Variants in SF3B1 observed in about 807,000 individuals in gnomAD.
SF3B1 encodes pre-mRNA processing 10.
A neutral mutation model predicts 153.8 loss-of-function variants in SF3B1; 12 were observed. That is an observed-to-expected ratio of 0.08 (90% CI 0.05 to 0.13). The LOEUF (loss-of-function observed/expected upper bound fraction) is 0.13, where lower values mean the gene tolerates loss of function less well. Among genes scored for constraint, SF3B1 ranks in the 10% least tolerant of loss-of-function variants. The probability of loss-of-function intolerance (pLI) is 1.00; values close to 1 mark genes in which losing one functional copy is unlikely to be tolerated. For synonymous variants in SF3B1, 498 were observed against 525.2 expected (o/e 0.95, Z 0.71); for missense variants, 513 against 1,606.1 (o/e 0.32, Z 11.63).
intron 6 of SF3B1, among the ~76,000 whole-genome samples, chr2:197,415,591 G>C (rs1167004432): frequency 2.6e-5 from 4 of 152,042 alleles, no homozygotes; most frequent in African/African-American, 9.7e-5. Context: ...ATTTTCAAGT[G>C]CTTTCTAAAA....
intron 6 of SF3B1, among the ~76,000 whole-genome samples, chr2:197,414,141 A>G (rs985041072): frequency 2.6e-5 from 4 of 152,182 alleles, no homozygotes; most frequent in African/African-American, 9.6e-5. Context: ...CAGACACAGG[A>G]AAGACCAGGG....
At chr2:197,430,166 G>A (rs940889112) in intron 1 of SF3B1, among the ~76,000 whole-genome samples, 1 of 152,182 alleles carries the variant, frequency 6.6e-6, no homozygotes. Flanking sequence ...TTGGAAGCCT[G>A]ACTGAAACTG....
chr2:197,411,468 T>TA (rs1301125143), intron 6 of SF3B1, among the ~76,000 whole-genome samples: 1 of 151,774 alleles, frequency 6.6e-6, no homozygotes, highest in Non-Finnish European at 1.5e-5. Flanking sequence ...GGTCAGGAGA[T>TA]AGAGACCATC....
chr2:197,393,756 A>G (rs931221497), intron 23 of SF3B1, among the ~76,000 whole-genome samples: 6 of 152,172 alleles, frequency 3.9e-5, no homozygotes, highest in Non-Finnish European at 8.8e-5. Flanking sequence ...TGGCCATCTA[A>G]TTAACTTTTA....
chr2:197,420,269 G>A (rs1392021334), intron 4 of SF3B1, 159 bp downstream of exon 4: 1 of 502,388 alleles, frequency 2.0e-6, no homozygotes, highest in Admixed American at 3.7e-5. Flanking sequence ...TGAAGAATAT[G>A]GCATCTGTGA....
At chr2:197,435,078 C>T, upstream of SF3B1, 1 of 1,609,086 alleles carries the variant, frequency 6.2e-7, no homozygotes, top group Non-Finnish European at 8.5e-7. Context: ...AGAAAAATAG[C>T]TGGGGGCTGC....
chr2:197,395,955 A>T, intron 23 of SF3B1, 101 bp downstream of exon 23: 1 of 1,042,366 alleles, frequency 9.6e-7, no homozygotes, highest in Admixed American at 2.4e-5. Flanking sequence ...TTTTTTCTTT[A>T]ACTATGTTAC....
chr2:197,402,413 G>A lies in SF3B1; in HGVS notation c.2077+143C>T, dbSNP rs893924437. The A allele has an allele frequency of 5.3e-6, 4 of 750,264 alleles. No individual in the cohort carries two copies. The highest frequency in any genetic ancestry group is 8.5e-6 in the Non-Finnish European group (4 of 472,622). 46.5% of individuals were successfully genotyped at this position (750,264 alleles called of 1,614,324 possible). A position where few individuals can be genotyped will look rare whatever the true frequency, so the allele number is the denominator to read the frequency against. ...GTCCTATTAAACATGGACAGGCTGTGTGTGTACCTCTAGTCCCAACTACTA... is the reference window on the plus strand; with the variant it reads ...GTCCTATTAAACATGGACAGGCTGTATGTGTACCTCTAGTCCCAACTACTA... On this transcript the variant is annotated intron_variant, in intron 14 of 24. Transcript: ENST00000335508. The surrounding 1 kb of genome is among the most constrained non-coding windows in gnomAD (Gnocchi z 4.6).
chr2:197,402,940 T>A lies in SF3B1; in HGVS notation c.1806+9A>T. On this transcript the variant is annotated intron_variant, in intron 13 of 24. Coordinates refer to ENST00000335508, the MANE Select transcript of SF3B1 (RefSeq NM_012433.4). The surrounding 1 kb of genome is among the most constrained non-coding windows in gnomAD (Gnocchi z 4.6). Reference sequence around the variant, plus strand: ...TAAATTTTCTTCTCTAGAAATTAAATGTAAATACCTTTGCCAAATTAGAAA... The same window carrying A: ...TAAATTTTCTTCTCTAGAAATTAAAAGTAAATACCTTTGCCAAATTAGAAA... The A allele has an allele frequency of 6.2e-7, 1 of 1,611,700 alleles. No individual in the cohort carries two copies. The highest frequency in any genetic ancestry group is 8.5e-7 in the Non-Finnish European group (1 of 1,178,334).
chr2:197,415,429 T>C (rs1341854480), intron 6 of SF3B1, among the ~76,000 whole-genome samples: 3 of 151,976 alleles, frequency 2.0e-5, no homozygotes, highest in Non-Finnish European at 4.4e-5. Flanking sequence ...ATTTTTTTTG[T>C]ATTTTTAGTA....
chr2:197,400,404 C>T lies in SF3B1; in HGVS notation c.2749G>A (p.Val917Met). ...ACTCGTTTGCCAAGAGCATTAACCA[C>T]TGTGCCAAAGCCGTTCAACATTACT... ...DSVMLNGFGT[V>M]VNALGKRVKP... Residue 917 changes from valine to methionine, a missense_variant, in exon 19 of 25, where the codon GTG (valine) becomes ATG (methionine). Transcript: ENST00000335508. The surrounding 1 kb of genome is among the most constrained non-coding windows in gnomAD (Gnocchi z 5.0). 1 of 1,612,924 alleles carries T rather than the reference C, an allele frequency of 6.2e-7. No individual in the cohort carries two copies. Among genetic ancestry groups the T allele is most frequent in the East Asian group, 2.2e-5 (1 of 44,878 alleles).
chr2:197,403,755 G>A lies in SF3B1; in HGVS notation c.1549C>T (p.Arg517Cys), dbSNP rs2105988880. 1 of 1,587,262 alleles carries A rather than the reference G, an allele frequency of 6.3e-7. No homozygotes were observed. The highest frequency in any genetic ancestry group is 8.5e-7 in the Non-Finnish European group (1 of 1,171,722). Residue 517 changes from arginine (R) to cysteine (C), a missense_variant, in exon 12 of 25, where the codon CGT (arginine) becomes TGT (cysteine). Arg to Cys is a radical substitution (Grantham distance 180, BLOSUM62 -3). Around this residue, in one of 21 missense-constraint regions of SF3B1, gnomAD observed 34 missense variants for 190.8 expected, o/e 0.18. Transcript: ENST00000335508. ...GTPPMRKAAL[R>C]QITDKAREFG... ...TCACGAGCTTTATCAGTAATCTGAC[G>A]CAATGCAGCCTGGGAAAAAGAGCAG...
rs1346176871 is a variant in SF3B1 at position 197,400,510 on chromosome 2, C to T, written c.2719-76G>A. 4 of 1,271,982 alleles carry T rather than the reference C, an allele frequency of 3.1e-6. No individual in the cohort carries two copies. The highest frequency in any genetic ancestry group is 2.4e-5 in the Admixed American group (1 of 42,234). 78.8% of individuals were successfully genotyped at this position (1,271,982 alleles called of 1,614,324 possible). A position where few individuals can be genotyped will look rare whatever the true frequency, so the allele number is the denominator to read the frequency against. On this transcript the variant is annotated intron_variant, in intron 18 of 24. Coordinates refer to ENST00000335508, the MANE Select transcript of SF3B1 (RefSeq NM_012433.4). The surrounding 1 kb of genome is among the most constrained non-coding windows in gnomAD (Gnocchi z 5.0). ...CAGTTGAAATACACTAAGAGTCAAC[C>T]TTTTCTAACCACCCAAACATCTGTT...
chr2:197,419,460 G>A, intron 4 of SF3B1: 1 of 218,480 alleles, frequency 4.6e-6, no homozygotes, highest in Non-Finnish European at 9.2e-6. Context: ...TCACAATTTA[G>A]GAAAAAATAA....
Position 197,398,455 on chromosome 2 carries a change from G to C in SF3B1, c.3134+6C>G. ...GCTTATAAAAATGTGTGGGTAATCT[G>C]CTTACCTGTCAGCAATACGACCAAC... On this transcript the variant is annotated splice_donor_region_variant and intron_variant, in intron 21 of 24. Coordinates refer to ENST00000335508, the MANE Select transcript of SF3B1 (RefSeq NM_012433.4). 6.2e-7 allele frequency: 1 copy of C among 1,613,102 alleles called. No homozygotes were observed. Among genetic ancestry groups the C allele is most frequent in the East Asian group, 2.2e-5 (1 of 44,820 alleles).
intron 6 of SF3B1, among the ~76,000 whole-genome samples, chr2:197,413,152 C>G (rs1173340206): frequency 6.6e-6 from 1 of 151,518 alleles, no homozygotes; most frequent in Non-Finnish European, 1.5e-5. Flanking sequence ...TGTAATCCCA[C>G]CACTTTGGGA....
chr2:197,396,716 G>C (rs967271322), intron 22 of SF3B1, among the ~76,000 whole-genome samples: 7 of 152,146 alleles, frequency 4.6e-5, no homozygotes, highest in Non-Finnish European at 8.8e-5. Context: ...GAGTGGTGAG[G>C]GGAATATCCG....
chr2:197,413,849 A>C (rs2106001339), intron 6 of SF3B1, among the ~76,000 whole-genome samples: 1 of 151,666 alleles, frequency 6.6e-6, no homozygotes, highest in East Asian at 1.9e-4. Context: ...GCTGTGTCGC[A>C]AGACTGAAGT....
chr2:197,425,440 T>C (rs1027548356), intron 1 of SF3B1, among the ~76,000 whole-genome samples: 1 of 152,146 alleles, frequency 6.6e-6, no homozygotes, highest in Non-Finnish European at 1.5e-5. Context: ...CACTCCAGCC[T>C]GGGCGACAAG....
Sources: gnomAD v4.1 joint callset for allele counts (sites outside exome capture counted in the v4.1 genomes callset) on GRCh38, gnomAD v4.1.1 for gene constraint, gnomAD v4.1.1 regional missense constraint, Gnocchi (gnomAD v3.1) non-coding constraint, MANE v1.5 for transcripts, NCBI Gene and HGNC (gene_info 2026-07-23, HGNC 2026-07-21) for gene names.